Variants in OPCML observed in about 807,000 individuals in gnomAD.
The protein encoded by OPCML is opioid binding protein/cell adhesion molecule like, also known as opioid-binding protein/cell adhesion molecule.
In OPCML, 13 loss-of-function variants were observed where a neutral mutation model predicts 37.8. The ratio of observed to expected loss-of-function variants is 0.34; its 90% CI spans 0.22 to 0.55. OPCML has a LOEUF of 0.55. Among genes scored for constraint, OPCML ranks in the 20% least tolerant of loss-of-function variants. The probability of loss-of-function intolerance (pLI) is 0.91; values close to 1 mark genes in which losing one functional copy is unlikely to be tolerated. For missense variants in OPCML, 341 were observed against 435.6 expected, an observed-to-expected ratio of 0.78 and a Z score of 1.93; for synonymous variants, 176 against 168.8, an observed-to-expected ratio of 1.04 and a Z score of -0.33.
chr11:132,626,082 G>A (rs1390922604), intron 3 of OPCML, among the ~76,000 whole-genome samples: 2 of 151,806 alleles, frequency 1.3e-5, no homozygotes, highest in Non-Finnish European at 2.9e-5. Flanking sequence ...CAAGGAGCTT[G>A]CAGCATTTGG....
At chr11:132,422,524 T>G (rs370208928) in intron 7 of OPCML, among the ~76,000 whole-genome samples, 1 of 152,314 alleles carries the variant, frequency 6.6e-6, no homozygotes, top group East Asian at 1.9e-4. Flanking sequence ...TTAGCAGGTA[T>G]GTAGGCTGCT....
In OPCML at chr11:132,657,163, A is replaced by C; in HGVS notation, c.303T>G (p.Tyr101Ter). The change falls in exon 3 of 8, where the codon TAT becomes TAG. Residue 101 changes from tyrosine to a stop codon, truncating the protein, a stop_gained. Transcript: ENST00000524381. LOFTEE classifies it high-confidence loss of function. ...YSIMIQNVDV[Y>*]DEGPYTCSVQ... ...CAGAGCAGGTGTACGGACCTTCGTC[A>C]TACACATCCACATTTTGGATCATGA... 1 of 1,614,242 alleles carries C rather than the reference A, an allele frequency of 6.2e-7. No homozygotes were observed. Among genetic ancestry groups the C allele is most frequent in the Non-Finnish European group, 8.5e-7 (1 of 1,180,040 alleles).
chr11:133,348,913 C>A (rs1276579603), intron 1 of OPCML, among the ~76,000 whole-genome samples: 1 of 152,138 alleles, frequency 6.6e-6, no homozygotes. Context: ...TGGGAGAGGA[C>A]CCTCACCACA....
rs115066660 is a variant in OPCML at position 133,267,386 on chromosome 11, T to C, written c.61+264878A>G. ...ATGTGCTCCTGAGCAAGTTTTCTGA[T>C]CACTCCGAGCCTCAGTTTTCTCACT... On this transcript the variant is annotated intron_variant, in intron 1 of 7. Transcript: ENST00000524381. Among the ~76,000 whole-genome samples the C allele has an allele frequency of 2.4e-3, 369 of 152,316 alleles. 2 individuals carry two copies. Among genetic ancestry groups the C allele is most frequent in the African/African-American group, 7.8e-3 (325 of 41,568 alleles).
At chr11:132,766,186 G>A (rs189529085) in intron 2 of OPCML, among the ~76,000 whole-genome samples, 55 of 152,048 alleles carry the variant, frequency 3.6e-4, no homozygotes, top group Admixed American at 2.7e-3. Context: ...AGGAATGATG[G>A]CATCAGGGAA....
chr11:133,144,211 C>T (rs1483461474), intron 1 of OPCML, among the ~76,000 whole-genome samples: 1 of 152,220 alleles, frequency 6.6e-6, no homozygotes, highest in Non-Finnish European at 1.5e-5. Flanking sequence ...CTTCACTGCG[C>T]TCTCTTCCCA....
chr11:132,830,785 A>T (rs1940638453), intron 2 of OPCML, among the ~76,000 whole-genome samples: 1 of 152,216 alleles, frequency 6.6e-6, no homozygotes, highest in Non-Finnish European at 1.5e-5. Context: ...TTCTAAGGAC[A>T]AGAAACATAC....
At chr11:132,714,067 C>T (rs1056945873) in intron 2 of OPCML, among the ~76,000 whole-genome samples, 6 of 152,064 alleles carry the variant, frequency 3.9e-5, no homozygotes, top group African/African-American at 1.4e-4. Flanking sequence ...TTTTAAATTG[C>T]ACTTGAATAT....
At chr11:132,673,076 A>T (rs1299343442) in intron 2 of OPCML, among the ~76,000 whole-genome samples, 1 of 152,150 alleles carries the variant, frequency 6.6e-6, no homozygotes, top group East Asian at 1.9e-4. Flanking sequence ...ATCAATGCAT[A>T]TTAGCAATAA....
chr11:132,445,416 C>T (rs1305037222), intron 4 of OPCML, among the ~76,000 whole-genome samples: 2 of 152,154 alleles, frequency 1.3e-5, no homozygotes, highest in Non-Finnish European at 2.9e-5. Flanking sequence ...AAGAGAAACT[C>T]TCATACACTG....
intron 3 of OPCML, among the ~76,000 whole-genome samples, chr11:132,529,472 A>G (rs1217316160): frequency 6.6e-6 from 1 of 152,040 alleles, no homozygotes; most frequent in Non-Finnish European, 1.5e-5. Context: ...TGAAAGGCAA[A>G]ATCAAAAATA....
intron 1 of OPCML, among the ~76,000 whole-genome samples, chr11:132,981,494 G>A (rs1415962707): frequency 6.6e-6 from 1 of 152,126 alleles, no homozygotes; most frequent in Non-Finnish European, 1.5e-5. Flanking sequence ...GGCGGGAAAG[G>A]GCCTGAGGGA....
chr11:132,827,905 A>G (rs1179797166), intron 2 of OPCML, among the ~76,000 whole-genome samples: 1 of 151,864 alleles, frequency 6.6e-6, no homozygotes, highest in Non-Finnish European at 1.5e-5. Flanking sequence ...TGCTGGGATT[A>G]CAGGTGTGAG....
At chr11:132,611,745 A>G (rs1938653159) in intron 3 of OPCML, among the ~76,000 whole-genome samples, 2 of 152,178 alleles carry the variant, frequency 1.3e-5, no homozygotes, top group South Asian at 4.1e-4. Context: ...GACGGAAACC[A>G]GGGGCTCGAC....
chr11:133,394,256 CTTTT>C (rs1368438459), intron 1 of OPCML, among the ~76,000 whole-genome samples: 1 of 152,066 alleles, frequency 6.6e-6, no homozygotes, highest in Non-Finnish European at 1.5e-5. Context: ...GTCTCTCATT[CTTTT>C]TTTAATTTTT....
chr11:133,008,839 G>T lies in OPCML; in HGVS notation c.62-65829C>A, dbSNP rs2136868513. The stretch of plus-strand genomic sequence containing the variant: ...TCCCTAATGCACTTTCTGAACAAAA[G>T]TCTCCATCTGAGAGTCAATTTTCAT... On this transcript the variant is annotated intron_variant, in intron 1 of 7. Transcript: ENST00000524381. The T allele has an allele frequency of 2.1e-6, 2 of 959,312 alleles. 1 individual carries two copies. Among genetic ancestry groups the T allele is most frequent in the Non-Finnish European group, 2.5e-6 (2 of 806,076 alleles). 59.4% of individuals were successfully genotyped at this position (959,312 alleles called of 1,614,324 possible).
At chr11:133,256,240 T>G (rs1454595095) in intron 1 of OPCML, among the ~76,000 whole-genome samples, 1 of 152,230 alleles carries the variant, frequency 6.6e-6, no homozygotes, top group African/African-American at 2.4e-5. Context: ...AACCCAACTG[T>G]TTGGAGTTCA....
At chr11:133,524,074 T>C (rs757298866) in intron 1 of OPCML, among the ~76,000 whole-genome samples, 2 of 152,246 alleles carry the variant, frequency 1.3e-5, no homozygotes, top group Non-Finnish European at 2.9e-5. Flanking sequence ...ACAATTTCTG[T>C]TCAGGCATAC....
intron 3 of OPCML, among the ~76,000 whole-genome samples, chr11:132,602,001 G>T (rs1937950147): frequency 6.6e-6 from 1 of 152,062 alleles, no homozygotes. Flanking sequence ...ATTCATGTCT[G>T]CTCAAAAAGA....
Sources: gnomAD v4.1 joint callset for allele counts (sites outside exome capture counted in the v4.1 genomes callset) on GRCh38, gnomAD v4.1.1 for gene constraint, MANE v1.5 for transcripts, NCBI Gene and HGNC (gene_info 2026-07-23, HGNC 2026-07-21) for gene names.